USP14: variants seen among roughly 807,000 people sequenced by gnomAD.
The protein encoded by USP14 is ubiquitin specific peptidase 14, also known as ubiquitin carboxyl-terminal hydrolase 14.
A neutral mutation model predicts 76.5 loss-of-function variants in USP14; 38 were observed. That is an observed-to-expected ratio of 0.50 (90% confidence interval 0.38 to 0.65). The LOEUF (loss-of-function observed/expected upper bound fraction) is 0.65. USP14 is among the 30% of genes least tolerant of loss of function. The probability of loss-of-function intolerance (pLI) is 0.00; values close to 1 mark genes in which losing one functional copy is unlikely to be tolerated. For synonymous variants in USP14, 192 were observed against 191.7 expected, an observed-to-expected ratio of 1.00 and a Z score of -0.01; for missense variants, 467 against 586.5, an observed-to-expected ratio of 0.80 and a Z score of 2.10.
chr18:164,311 A>G (rs1227191698), intron 2 of USP14, among the ~76,000 whole-genome samples: 1 of 152,242 alleles, frequency 6.6e-6, no homozygotes, highest in Admixed American at 6.5e-5. Context: ...TAAAAAAACT[A>G]CTACAGAATG....
chr18:205,862 C>A (rs139753931), intron 13 of USP14, among the ~76,000 whole-genome samples: 1 of 152,322 alleles, frequency 6.6e-6, no homozygotes, highest in East Asian at 1.9e-4. Flanking sequence ...TCTCTGGCGA[C>A]TCATCCAGGG....
At chr18:205,953 A>G (rs1910518186) in intron 13 of USP14, among the ~76,000 whole-genome samples, 1 of 152,180 alleles carries the variant, frequency 6.6e-6, no homozygotes, top group Non-Finnish European at 1.5e-5. Flanking sequence ...CTGCTTCACC[A>G]TTCACCTATT....
chr18:161,893 AT>A (rs1273211443), intron 1 of USP14, among the ~76,000 whole-genome samples: 1 of 152,190 alleles, frequency 6.6e-6, no homozygotes, highest in East Asian at 1.9e-4. Flanking sequence ...AAAGTTTACC[AT>A]TTTAATGATT....
chr18:166,763 G>A (rs368468063), intron 2 of USP14, 24 bp from the exon 3 acceptor site: 7 of 1,609,750 alleles, frequency 4.3e-6, no homozygotes, highest in Non-Finnish European at 5.1e-6. Context: ...GTGGTTAAAT[G>A]TCTTTTGTTT....
At chr18:179,083 G>T in intron 4 of USP14, 46 bp downstream of exon 4, 1 of 1,391,428 alleles carries the variant, frequency 7.2e-7, no homozygotes, top group South Asian at 1.3e-5. Flanking sequence ...CTTTTTGAAG[G>T]ACCATTATTA....
intron 15 of USP14, 70 bp from the exon 16 acceptor site, chr18:211,062 CT>C (rs1488738324): frequency 1.9e-5 from 29 of 1,514,894 alleles, no homozygotes; most frequent in Admixed American, 3.6e-5. Context: ...TGACTTGATA[CT>C]TTTTTTGCAG....
At chr18:167,584 C>T (rs1909310128) in intron 3 of USP14, among the ~76,000 whole-genome samples, 1 of 152,062 alleles carries the variant, frequency 6.6e-6, no homozygotes, top group African/African-American at 2.4e-5. Flanking sequence ...TGGCTCGCTG[C>T]AGCTTTAAAC....
Position 166,515 on chromosome 18 carries a change from T to A in USP14, c.163-272T>A, listed in dbSNP as rs192533949. On this transcript the variant is annotated intron_variant, in intron 2 of 15. Coordinates refer to ENST00000261601, the MANE Select transcript of USP14 (RefSeq NM_005151.4). Reference sequence around the variant, plus strand: ...GCTCAGCTACTTTTTGTATTTTTAGTAGAGATGGAGTTTCTTTATATTGGT... The same window carrying A: ...GCTCAGCTACTTTTTGTATTTTTAGAAGAGATGGAGTTTCTTTATATTGGT... Among the ~76,000 whole-genome samples, 545 of 152,210 alleles carry A rather than the reference T, an allele frequency of 3.6e-3. 1 individual carries two copies. The highest frequency in any genetic ancestry group is 0.012 in the African/African-American group (508 of 41,526).
intron 1 of USP14, among the ~76,000 whole-genome samples, chr18:160,378 C>A (rs1909084140): frequency 6.6e-6 from 1 of 151,954 alleles, no homozygotes; most frequent in Non-Finnish European, 1.5e-5. Context: ...AAAATTAAAG[C>A]CAGGGGCCAT....
At chr18:194,220 C>T (rs1910168771) in intron 6 of USP14, among the ~76,000 whole-genome samples, 3 of 152,148 alleles carry the variant, frequency 2.0e-5, no homozygotes, top group African/African-American at 7.2e-5. Context: ...AGAGATTTTA[C>T]TCTAACTTTT....
chr18:174,332 C>G (rs1909564734), intron 3 of USP14, among the ~76,000 whole-genome samples: 1 of 145,950 alleles, frequency 6.9e-6, no homozygotes, highest in Non-Finnish European at 1.5e-5. Flanking sequence ...GTGGCGTGAT[C>G]TCAGCTCACT....
intron 3 of USP14, among the ~76,000 whole-genome samples, chr18:177,252 G>A (rs1909651243): frequency 6.6e-6 from 1 of 151,776 alleles, no homozygotes; most frequent in Non-Finnish European, 1.5e-5. Context: ...TCTTGAGACA[G>A]TTGTCTTTGG....
rs553591038 is a variant in USP14, at chr18:190,402, CG to C, written c.405-2438del. ...ATGTTTTGCCAACCAGTTTCAAAAA[CG>C]GAGGTACCAATTCATATTTTCATTA... On this transcript the variant is annotated intron_variant, in intron 5 of 15. Coordinates refer to ENST00000261601, the MANE Select transcript of USP14 (RefSeq NM_005151.4). Among the ~76,000 whole-genome samples, 953 of 152,198 alleles carry C rather than the reference CG, an allele frequency of 6.3e-3. 4 individuals are homozygous for C. Among genetic ancestry groups the C allele is most frequent in the Non-Finnish European group, 0.011 (748 of 68,000 alleles).
At chr18:164,238 A>G (rs780496732) in intron 2 of USP14, among the ~76,000 whole-genome samples, 5 of 152,112 alleles carry the variant, frequency 3.3e-5, no homozygotes, top group Non-Finnish European at 7.4e-5. Context: ...ATTTTCTGTA[A>G]TGAGGTTGGA....
intron 2 of USP14, among the ~76,000 whole-genome samples, chr18:164,446 G>A (rs1435544298): frequency 6.6e-6 from 1 of 151,190 alleles, no homozygotes; most frequent in African/African-American, 2.4e-5. Context: ...CATTAACGAA[G>A]AGCTGTTTTT....
intron 5 of USP14, among the ~76,000 whole-genome samples, chr18:191,213 A>C (rs1910076504): frequency 6.6e-6 from 1 of 152,226 alleles, no homozygotes; most frequent in South Asian, 2.1e-4. Flanking sequence ...AGGTTTTTAA[A>C]AATGAACACA....
chr18:197,741 ATT>A (rs35489764), intron 8 of USP14, 45 bp downstream of exon 8: 336 of 1,298,186 alleles, frequency 2.6e-4, no homozygotes, highest in South Asian at 4.1e-4. Flanking sequence ...TTATACCTTG[ATT>A]TTTTTTTTTA....
At chr18:201,091 G>A (rs1274274581) in intron 10 of USP14, among the ~76,000 whole-genome samples, 1 of 152,138 alleles carries the variant, frequency 6.6e-6, no homozygotes, top group Non-Finnish European at 1.5e-5. Flanking sequence ...ATGAGCCACC[G>A]TGCCCAGCCA....
At chr18:205,536 A>C (rs1041214748) in intron 13 of USP14, among the ~76,000 whole-genome samples, 1 of 152,090 alleles carries the variant, frequency 6.6e-6, no homozygotes, top group African/African-American at 2.4e-5. Flanking sequence ...GACTTTGGGA[A>C]TCTGAGGCAG....
Sources: gnomAD v4.1 joint callset for allele counts (sites outside exome capture counted in the v4.1 genomes callset) on GRCh38, gnomAD v4.1.1 for gene constraint, MANE v1.5 for transcripts, NCBI Gene and HGNC (gene_info 2026-07-23, HGNC 2026-07-21) for gene names.